Variants in FRMD3 observed in about 807,000 individuals in gnomAD.
The protein encoded by FRMD3 is FERM domain-containing protein 3.
Under a neutral mutation model 70.2 loss-of-function variants are expected in FRMD3, and 33 were observed. The observed-to-expected ratio is 0.47, with a 90% CI of 0.36 to 0.63. FRMD3 has a LOEUF of 0.63. Among genes scored for constraint, FRMD3 ranks in the 20% least tolerant of loss-of-function variants. The pLI is 0.00. For missense variants in FRMD3, 632 were observed against 711.4 expected (o/e 0.89, Z 1.27); for synonymous variants, 279 against 255.9 (o/e 1.09, Z -0.86).
At chr9:83,441,132 C>G (rs557429625) in intron 1 of FRMD3, among the ~76,000 whole-genome samples, 1 of 152,088 alleles carries the variant, frequency 6.6e-6, no homozygotes, top group Admixed American at 6.5e-5. Flanking sequence ...CATTACAGCC[C>G]GAACAAGAAA....
At position 83,492,554 on chromosome 9, in the gene FRMD3, G is replaced by C. The variant is rs149664563; in HGVS notation, c.147+45531C>G. Among the ~76,000 whole-genome samples the C allele has an allele frequency of 5.1e-3, 783 of 152,304 alleles. 8 individuals carry two copies. Among genetic ancestry groups the C allele is most frequent in the African/African-American group, 0.018 (753 of 41,550 alleles). On this transcript the variant is annotated intron_variant, in intron 1 of 13. Coordinates refer to ENST00000304195, the MANE Select transcript of FRMD3 (RefSeq NM_174938.6). ...GGCCAGGGCAGGCAGGAGGAACGGG[G>C]GAGCAGGACTGCAGCCCCTTTTCTC...
rs185492579 is a variant in FRMD3, at chr9:83,440,140, C to A, written c.148-50432G>T. ...GTTTCTACCAGCAGAGGAAACCAGA[C>A]CCAATTTCTTTGTAGCCAGTGGTCC... On this transcript the variant is annotated intron_variant, in intron 1 of 13. Coordinates refer to ENST00000304195, the MANE Select transcript of FRMD3 (RefSeq NM_174938.6). Among the ~76,000 whole-genome samples the A allele has an allele frequency of 2.0e-5, 3 of 152,270 alleles. No individual in the cohort carries two copies. In the East Asian group the frequency reaches 5.8e-4, roughly 29 times the overall value.
rs1832107230 is a variant in FRMD3, at chr9:83,246,543, T to C, written c.*1375A>G. 1 of 985,002 alleles carries C rather than the reference T, an allele frequency of 1.0e-6. No individual in the cohort carries two copies. Among genetic ancestry groups the C allele is most frequent in the South Asian group, 4.7e-5 (1 of 21,260 alleles). 61.0% of individuals were successfully genotyped at this position (985,002 alleles called of 1,614,324 possible). A position where few individuals can be genotyped will look rare whatever the true frequency, so the allele number is the denominator to read the frequency against. On this transcript the variant is annotated 3_prime_UTR_variant, in exon 14 of 14. Transcript: ENST00000304195. The stretch of plus-strand genomic sequence containing the variant: ...GTCATCTCATGAGGCCTCTCCAGTT[T>C]CTCTATGGAAGTCAAATTTTAAAAC...
chr9:83,257,591 T>A (rs1326458103), intron 13 of FRMD3, among the ~76,000 whole-genome samples: 1 of 152,184 alleles, frequency 6.6e-6, no homozygotes, highest in South Asian at 2.1e-4. Context: ...TAAAATGTCT[T>A]CTTTTTATAT....
At chr9:83,309,795 C>A (rs1321250160) in intron 9 of FRMD3, among the ~76,000 whole-genome samples, 171 bp from the exon 10 acceptor site, 1 of 142,008 alleles carries the variant, frequency 7.0e-6, no homozygotes, top group Admixed American at 7.1e-5. Context: ...ATGGTATTCA[C>A]CCCTCCCTCA....
intron 1 of FRMD3, among the ~76,000 whole-genome samples, chr9:83,406,677 G>A (rs1488583174): frequency 1.3e-5 from 2 of 152,210 alleles, no homozygotes; most frequent in African/African-American, 4.8e-5. Context: ...CAGAGAGTTG[G>A]TTCCTTGCCA....
intron 1 of FRMD3, among the ~76,000 whole-genome samples, chr9:83,460,693 T>C (rs1426312397): frequency 2.0e-5 from 3 of 152,228 alleles, no homozygotes; most frequent in Non-Finnish European, 1.5e-5. Context: ...CAAAGTCAAA[T>C]ATACCAAAAA....
chr9:83,450,548 G>A (rs1481301171), intron 1 of FRMD3, among the ~76,000 whole-genome samples: 1 of 151,914 alleles, frequency 6.6e-6, no homozygotes, highest in Non-Finnish European at 1.5e-5. Context: ...TGCCCAAAAG[G>A]CAGTGAAAGG....
At chr9:83,486,329 C>T (rs72746821) in intron 1 of FRMD3, among the ~76,000 whole-genome samples, 4,667 of 152,222 alleles carry the variant, frequency 0.031, 102 homozygotes, top group Non-Finnish European at 0.046. Flanking sequence ...CCACCAGGGC[C>T]TCCATAGCCC....
At position 83,422,140 on chromosome 9, in the gene FRMD3, G is replaced by A. The variant is rs113156120; in HGVS notation, c.148-32432C>T. Reference sequence around the variant, plus strand: ...CTCGGGAGGCTGAGGCAGGAGAATCGCTGGATCCTGGGAGGCAGAGGCTGC... The same window carrying A: ...CTCGGGAGGCTGAGGCAGGAGAATCACTGGATCCTGGGAGGCAGAGGCTGC... On this transcript the variant is annotated intron_variant, in intron 1 of 13. Coordinates refer to ENST00000304195, the MANE Select transcript of FRMD3 (RefSeq NM_174938.6). Among the ~76,000 whole-genome samples the A allele has an allele frequency of 6.0e-3, 920 of 152,238 alleles. 12 individuals carry two copies. The highest frequency in any genetic ancestry group is 0.02 in the African/African-American group (847 of 41,544).
At chr9:83,577,748 G>A in the FRMD3 span, among the ~76,000 whole-genome samples, 2 of 151,806 alleles carry the variant, frequency 1.3e-5, no homozygotes, top group Admixed American at 6.6e-5. Flanking sequence ...AACAAGAAGA[G>A]AGATCTCAAA....
At chr9:83,407,859 C>CTCTCTCTCTCATCTT (rs1564062622) in intron 1 of FRMD3, among the ~76,000 whole-genome samples, 10 of 123,698 alleles carry the variant, frequency 8.1e-5, no homozygotes, top group African/African-American at 1.2e-4. Context: ...CTCTCTCTCT[C>CTCTCTCTCTCATCTT]TCTCTCTCTC....
chr9:83,415,760 G>A (rs1587831625), intron 1 of FRMD3, among the ~76,000 whole-genome samples: 2 of 151,576 alleles, frequency 1.3e-5, no homozygotes, highest in African/African-American at 4.8e-5. Flanking sequence ...GCGCCCAGCC[G>A]AGAAAGGAAA....
intron 10 of FRMD3, among the ~76,000 whole-genome samples, chr9:83,302,163 C>T (rs1044883997): frequency 2.0e-5 from 3 of 152,134 alleles, no homozygotes; most frequent in Non-Finnish European, 4.4e-5. Flanking sequence ...GTACATGAAT[C>T]CGGAGTACCA....
the FRMD3 span, among the ~76,000 whole-genome samples, chr9:83,585,355 A>G: frequency 6.6e-6 from 1 of 152,210 alleles, no homozygotes; most frequent in Non-Finnish European, 1.5e-5. Context: ...AACTCTATAT[A>G]TAATGCAGTA....
chr9:83,280,841 T>A (rs540203035), intron 13 of FRMD3, among the ~76,000 whole-genome samples: 1 of 152,298 alleles, frequency 6.6e-6, no homozygotes, highest in African/African-American at 2.4e-5. Context: ...AGTGGATCAT[T>A]GTATGTACCC....
intron 1 of FRMD3, among the ~76,000 whole-genome samples, chr9:83,475,739 A>G (rs1828380771): frequency 6.6e-6 from 1 of 152,202 alleles, no homozygotes; most frequent in Non-Finnish European, 1.5e-5. Context: ...GCAAAAGAAC[A>G]TGATGTTTTC....
intron 1 of FRMD3, among the ~76,000 whole-genome samples, chr9:83,464,031 C>G (rs1188960082): frequency 5.3e-5 from 8 of 152,168 alleles, no homozygotes; most frequent in Non-Finnish European, 1.5e-5. Context: ...GCATATCTGT[C>G]CAAGTACCCA....
intron 3 of FRMD3, among the ~76,000 whole-genome samples, chr9:83,354,546 GT>G (rs1824273460): frequency 6.6e-6 from 1 of 152,082 alleles, no homozygotes; most frequent in Non-Finnish European, 1.5e-5. Flanking sequence ...AAACTATTGG[GT>G]ACTATGCTTA....
Sources: gnomAD v4.1 joint callset for allele counts (sites outside exome capture counted in the v4.1 genomes callset) on GRCh38, gnomAD v4.1.1 for gene constraint, MANE v1.5 for transcripts, NCBI Gene and HGNC (gene_info 2026-07-23, HGNC 2026-07-21) for gene names.